The following PPA2 variants were observed in gnomAD, a reference collection of about 807,000 sequenced individuals.
The protein encoded by PPA2 is inorganic pyrophosphatase 2, mitochondrial.
PPA2 carries 48 observed loss-of-function variants against 49.5 expected under a neutral mutation model. The ratio of observed to expected loss-of-function variants is 0.97; its 90% CI spans 0.77 to 1.23. The LOEUF (loss-of-function observed/expected upper bound fraction) is 1.23. PPA2 is among the 50% of genes most tolerant of loss of function. The pLI, the probability that PPA2 is intolerant of heterozygous loss-of-function variation, is 0.00. For missense variants in PPA2, 429 were observed against 410.1 expected (o/e 1.05, Z -0.40); for synonymous variants, 131 against 139.9 (o/e 0.94, Z 0.45).
At chr4:105,445,693 T>C (rs1722347769) in intron 5 of PPA2, among the ~76,000 whole-genome samples, 1 of 152,134 alleles carries the variant, frequency 6.6e-6, no homozygotes, top group Admixed American at 6.5e-5. Flanking sequence ...TGGTTCTCTG[T>C]GTCCCCAAAA....
At chr4:105,406,018 G>A in intron 7 of PPA2, 1 of 211,294 alleles carries the variant, frequency 4.7e-6, no homozygotes, top group Non-Finnish European at 1.0e-5. Context: ...GAATTTTAAA[G>A]TAGTTATTAT....
chr4:105,396,647 A>ACATTTGCTTGTGTTTGG (rs1256678346), intron 8 of PPA2, among the ~76,000 whole-genome samples: 33 of 136,946 alleles, frequency 2.4e-4, no homozygotes, highest in African/African-American at 7.1e-4. Context: ...CTGAACAGTC[A>ACATTTGCTTGTGTTTGG]CATTTGCTTG....
chr4:105,415,776 C>A (rs1319694153), intron 7 of PPA2, among the ~76,000 whole-genome samples: 1 of 152,230 alleles, frequency 6.6e-6, no homozygotes, highest in Non-Finnish European at 1.5e-5. Flanking sequence ...CGGGCCACTG[C>A]TGCCAACAAT....
At chr4:105,458,578 T>C (rs547213896) in intron 1 of PPA2, among the ~76,000 whole-genome samples, 6 of 152,046 alleles carry the variant, frequency 3.9e-5, no homozygotes, top group Admixed American at 3.9e-4. Flanking sequence ...TTCCAGCATT[T>C]TGGGAGGCTG....
chr4:105,464,736 C>T (rs184831365), intron 1 of PPA2, among the ~76,000 whole-genome samples: 1 of 152,212 alleles, frequency 6.6e-6, no homozygotes, highest in Admixed American at 6.5e-5. Context: ...TCTTGTCTGC[C>T]ACCATATGAT....
At chr4:105,382,636 T>C (rs893973596) in intron 10 of PPA2, among the ~76,000 whole-genome samples, 1 of 152,078 alleles carries the variant, frequency 6.6e-6, no homozygotes, top group Non-Finnish European at 1.5e-5. Flanking sequence ...TTCTCAAGTA[T>C]TGGGGAAGAA....
chr4:105,387,561 A>C (rs2726506), intron 9 of PPA2, among the ~76,000 whole-genome samples: 1 of 151,924 alleles, frequency 6.6e-6, no homozygotes, highest in African/African-American at 2.4e-5. Context: ...AATTGATGAC[A>C]CTGAGTATAC....
Position 105,424,268 on chromosome 4 carries a change from T to C in PPA2, c.583A>G (p.Ile195Val), listed in dbSNP as rs1429106418. ...TTCCAATCTGTTTCACCTTCATCAA[T>C]AAGAGCCAAAATTCCAAGGATCTTC... ...HVKILGILAL[I>V]DEGETDWKLI... The change falls in exon 7 of 12, where the codon ATT becomes GTT. Residue 195 changes from isoleucine to valine, a missense_variant. Coordinates refer to ENST00000341695, the MANE Select transcript of PPA2 (RefSeq NM_176869.3). The C allele has an allele frequency of 1.9e-6, 3 of 1,607,102 alleles. No individual in the cohort carries two copies. The highest frequency in any genetic ancestry group is 2.7e-5 in the African/African-American group (2 of 74,532).
At chr4:105,467,545 T>G (rs4699176) in intron 1 of PPA2, among the ~76,000 whole-genome samples, 133,717 of 152,208 alleles carry the variant, frequency 0.88, 59,130 homozygotes, top group African/African-American at 0.94. Flanking sequence ...GCAGAGCTTG[T>G]ACATTATCTG....
intron 9 of PPA2, among the ~76,000 whole-genome samples, chr4:105,392,609 G>A (rs1733970690): frequency 6.6e-6 from 1 of 151,464 alleles, no homozygotes; most frequent in African/African-American, 2.4e-5. Context: ...GGAGGCAGAG[G>A]TTGCAGTGAG....
intron 5 of PPA2, among the ~76,000 whole-genome samples, chr4:105,445,087 G>A (rs1724540216): frequency 6.6e-6 from 1 of 152,164 alleles, no homozygotes; most frequent in Non-Finnish European, 1.5e-5. Context: ...TATCCCATCT[G>A]TCTTTATATA....
intron 9 of PPA2, among the ~76,000 whole-genome samples, chr4:105,392,343 C>T (rs1733958686): frequency 6.6e-6 from 1 of 151,870 alleles, no homozygotes; most frequent in African/African-American, 2.4e-5. Flanking sequence ...AAGCAGTGCT[C>T]CTGAAAAGAG....
intron 1 of PPA2, chr4:105,473,359 A>C: frequency 3.2e-6 from 1 of 314,794 alleles, no homozygotes; most frequent in East Asian, 1.1e-4. Flanking sequence ...CTTCTGGGGA[A>C]AGAACCTTCA....
chr4:105,407,911 T>C (rs1722558527), intron 7 of PPA2, among the ~76,000 whole-genome samples: 2 of 152,126 alleles, frequency 1.3e-5, no homozygotes, highest in African/African-American at 4.8e-5. Flanking sequence ...GTATTATGAA[T>C]GTGATAGTTG....
chr4:105,407,933 T>C (rs1264278581), intron 7 of PPA2, among the ~76,000 whole-genome samples: 1 of 152,146 alleles, frequency 6.6e-6, no homozygotes, highest in Non-Finnish European at 1.5e-5. Flanking sequence ...TAGAAGACTA[T>C]ATAGTTATCA....
intron 1 of PPA2, among the ~76,000 whole-genome samples, chr4:105,464,646 G>A (rs1249016807): frequency 1.3e-5 from 2 of 152,146 alleles, no homozygotes; most frequent in African/African-American, 4.8e-5. Flanking sequence ...AATCATGGGG[G>A]CAAGTCTTGT....
intron 6 of PPA2, among the ~76,000 whole-genome samples, chr4:105,425,764 C>CA: frequency 1.6e-5 from 2 of 123,828 alleles, no homozygotes; most frequent in African/African-American, 6.3e-5. Flanking sequence ...ACACACACAC[C>CA]CATCAGAATA....
chr4:105,440,555 C>G (rs76554015), intron 5 of PPA2, among the ~76,000 whole-genome samples: 9 of 152,228 alleles, frequency 5.9e-5, no homozygotes, highest in Admixed American at 4.6e-4. Flanking sequence ...GCCACTGCGC[C>G]GGCCAATAAG....
chr4:105,455,007 G>A (rs1377572093), intron 2 of PPA2, among the ~76,000 whole-genome samples: 2 of 152,080 alleles, frequency 1.3e-5, no homozygotes, highest in African/African-American at 4.8e-5. Context: ...CTACCCACCA[G>A]TCACATTTTA....
Sources: gnomAD v4.1 joint callset for allele counts (sites outside exome capture counted in the v4.1 genomes callset) on GRCh38, gnomAD v4.1.1 for gene constraint, MANE v1.5 for transcripts, NCBI Gene and HGNC (gene_info 2026-07-23, HGNC 2026-07-21) for gene names.